The following NKIRAS1 variants were observed in gnomAD, a reference collection of about 807,000 sequenced individuals.
NKIRAS1 encodes NFKB inhibitor interacting Ras like 1, also known as NF-kappa-B inhibitor-interacting Ras-like protein 1.
A neutral mutation model predicts 19.8 loss-of-function variants in NKIRAS1; 16 were observed. The observed-to-expected ratio is 0.81, with a 90% CI of 0.55 to 1.23. The LOEUF (loss-of-function observed/expected upper bound fraction) is 1.23, where lower values mean the gene tolerates loss of function less well. Among genes scored for constraint, NKIRAS1 ranks in the 50% most tolerant of loss-of-function variants. NKIRAS1 has a pLI of 0.00. For missense variants in NKIRAS1, 184 were observed against 220.0 expected (o/e 0.84, Z 1.04); for synonymous variants, 88 against 79.0 (o/e 1.11, Z -0.61).
chr3:23,944,269 A>G (rs1030467373), intron 1 of NKIRAS1, among the ~76,000 whole-genome samples: 19 of 152,184 alleles, frequency 1.2e-4, no homozygotes, highest in Non-Finnish European at 2.4e-4. Flanking sequence ...GGGTGGGGAA[A>G]TAGGGTGTTG....
upstream of NKIRAS1, chr3:23,918,173 A>G (rs1704782423): frequency 9.4e-7 from 1 of 1,064,652 alleles, no homozygotes; most frequent in Non-Finnish European, 1.3e-6. Context: ...CTGGTCAGTT[A>G]CTGTATGCAC....
chr3:23,917,566 C>T, upstream of NKIRAS1: 2 of 311,824 alleles, frequency 6.4e-6, no homozygotes, highest in South Asian at 5.2e-5. Context: ...TTGGGGACGC[C>T]GCCTGCCGCA....
Position 23,901,026 on chromosome 3 carries a change from C to G in NKIRAS1, c.118G>C (p.Glu40Gln). The change falls in exon 4 of 5, where the codon GAA becomes CAA. Residue 40 changes from glutamate to glutamine, a missense_variant. Glu to Gln is a conservative substitution (Grantham distance 29). Transcript: ENST00000425478. Reference sequence around the variant, plus strand: ...TCTACTGAAGCCATGTATACATCTTCCATTGTTTCGCAATCTTCCATTCCT... The same window carrying G: ...TCTACTGAAGCCATGTATACATCTTGCATTGTTTCGCAATCTTCCATTCCT... ...TIGMEDCETM[E>Q]DVYMASVETD... 2.5e-6 allele frequency: 4 copies of G among 1,614,042 alleles called. No individual in the cohort carries two copies. The highest frequency in any genetic ancestry group is 2.5e-6 in the Non-Finnish European group (3 of 1,179,944).
intron 1 of NKIRAS1, chr3:23,946,293 C>G: frequency 1.0e-6 from 1 of 985,510 alleles, no homozygotes; most frequent in Non-Finnish European, 1.2e-6. Context: ...CCAAACGAAC[C>G]GGCGCCTGGG....
chr3:23,946,289 G>C, intron 1 of NKIRAS1: 14 of 985,512 alleles, frequency 1.4e-5, no homozygotes, highest in Non-Finnish European at 1.6e-5. Context: ...CAAACCAAAC[G>C]AACCGGCGCC....
intron 1 of NKIRAS1, among the ~76,000 whole-genome samples, chr3:23,935,400 C>T (rs9869684): frequency 0.64 from 96,595 of 150,746 alleles, 31,146 homozygotes; most frequent in Middle Eastern, 0.73. Flanking sequence ...AATTGATCAA[C>T]GAATCAACTC....
intron 1 of NKIRAS1, among the ~76,000 whole-genome samples, chr3:23,940,263 C>G (rs141773166): frequency 0.012 from 1,834 of 151,292 alleles, 17 homozygotes; most frequent in Non-Finnish European, 0.018. Context: ...GGGAGCATCT[C>G]GAGCCCATGA....
At chr3:23,919,473 A>G (rs1704947994), upstream of NKIRAS1, 9 of 1,596,918 alleles carry the variant, frequency 5.6e-6, no homozygotes, top group East Asian at 4.5e-5. Context: ...AGAAGGCGCA[A>G]TACTCTCCAG....
chr3:23,921,668 G>A (rs193020435), upstream of NKIRAS1: 414 of 665,110 alleles, frequency 6.2e-4, 1 homozygote, highest in African/African-American at 6.7e-3. Flanking sequence ...TCTGTCTCCC[G>A]GGTTTGAGCA....
chr3:23,910,156 CTTT>C (rs34240932), intron 3 of NKIRAS1, among the ~76,000 whole-genome samples: 2 of 96,546 alleles, frequency 2.1e-5, no homozygotes. Flanking sequence ...TGCGCTCGGC[CTTT>C]TTTTTTTTTT....
At chr3:23,945,846 G>C (rs1169917532) in intron 1 of NKIRAS1, among the ~76,000 whole-genome samples, 1 of 150,756 alleles carries the variant, frequency 6.6e-6, no homozygotes, top group Non-Finnish European at 1.5e-5. Flanking sequence ...ACATGGCCCG[G>C]CCGCGCGAGC....
chr3:23,918,218 A>T (rs1704786838), upstream of NKIRAS1: 2 of 933,874 alleles, frequency 2.1e-6, no homozygotes, highest in Non-Finnish European at 1.6e-6. Flanking sequence ...CAAAGGTTAC[A>T]AATCTGAATG....
upstream of NKIRAS1, chr3:23,920,200 C>A (rs1216239666): frequency 4.6e-5 from 45 of 985,588 alleles, no homozygotes; most frequent in Non-Finnish European, 5.3e-5. Flanking sequence ...TGAGCTTAGA[C>A]GTCAACCCTA....
At position 23,893,408 on chromosome 3, in the gene NKIRAS1, A is replaced by G. The variant is rs1701630643; in HGVS notation, c.337-71T>C. On this transcript the variant is annotated intron_variant, in intron 4 of 4. Coordinates refer to ENST00000425478, the MANE Select transcript of NKIRAS1 (RefSeq NM_020345.4). ...ATCAGTTCCTGGGCAAAATGGAGAC[A>G]TAAGGAAAATTGTTCCACTTAACAA... 13 of 1,389,888 alleles carry G rather than the reference A, an allele frequency of 9.4e-6. No homozygotes were observed. The South Asian group carries it at 1.5e-4, about 16-fold the overall frequency. The allele number at this position is 1,389,888 out of a possible 1,614,324, so 86.1% of individuals were successfully genotyped here. A position where few individuals can be genotyped will look rare whatever the true frequency, so the allele number is the denominator to read the frequency against.
intron 1 of NKIRAS1, among the ~76,000 whole-genome samples, chr3:23,915,336 G>C (rs771916776): frequency 1.3e-5 from 2 of 152,158 alleles, no homozygotes; most frequent in Non-Finnish European, 2.9e-5. Flanking sequence ...CTCTCCCCTA[G>C]TACCTCCAGA....
At chr3:23,945,343 T>G in intron 1 of NKIRAS1, 6 of 161,066 alleles carry the variant, frequency 3.7e-5, no homozygotes, top group Non-Finnish European at 8.0e-5. Context: ...CGCCGCCGCT[T>G]TTGTTGTCAG....
rs896331377 is a variant in NKIRAS1, at chr3:23,926,513, C to CTT, written c.-139-15065_-139-15064dup. Among the ~76,000 whole-genome samples, 4 of 150,508 alleles carry CTT rather than the reference C, an allele frequency of 2.7e-5. No individual in the cohort carries two copies. The highest frequency in any genetic ancestry group is 4.4e-5 in the Non-Finnish European group (3 of 67,636). ...CTTTCCTCTTCCTCTTCTTCCTCTT[C>CTT]TTTTTTTTTGTGTCATTCTCTAGTA... On this transcript the variant is annotated intron_variant, in intron 1 of 4. Transcript: ENST00000421515. This position sits in a 1 kb window ranked among gnomAD's most constrained non-coding sequence, Gnocchi z 4.3.
upstream of NKIRAS1, chr3:23,921,494 C>T (rs185552135): frequency 1.2e-3 from 801 of 659,906 alleles, 14 homozygotes; most frequent in South Asian, 0.013. Context: ...ATACCCTGAC[C>T]GCCCCACAAG....
intron 1 of NKIRAS1, among the ~76,000 whole-genome samples, chr3:23,913,069 T>C (rs1394878063): frequency 7.3e-6 from 1 of 137,686 alleles, no homozygotes; most frequent in Non-Finnish European, 1.5e-5. Context: ...AAAAAAGTAA[T>C]ACACTACAAA....
Sources: allele counts gnomAD v4.1 joint callset (sites outside exome capture counted in the v4.1 genomes callset), GRCh38; gene constraint gnomAD v4.1.1; non-coding constraint Gnocchi (gnomAD v3.1); transcripts MANE v1.5; gene names NCBI Gene and HGNC (gene_info 2026-07-23, HGNC 2026-07-21).